Variants in KIF27 observed in about 807,000 individuals in gnomAD.
The protein encoded by KIF27 is kinesin family member 27.
A neutral mutation model predicts 141.8 loss-of-function variants in KIF27; 84 were observed. That is an observed-to-expected ratio of 0.59 (90% CI 0.50 to 0.71). The LOEUF (loss-of-function observed/expected upper bound fraction) is 0.71, where lower values mean the gene tolerates loss of function less well. KIF27 is among the 30% of genes least tolerant of loss of function. The pLI is 0.00. For missense variants in KIF27, 1,306 were observed against 1,628.4 expected, an observed-to-expected ratio of 0.80 and a Z score of 3.41; for synonymous variants, 471 against 569.5, an observed-to-expected ratio of 0.83 and a Z score of 2.46.
At chr9:83,884,076 C>T (rs1451387056) in intron 9 of KIF27, 58 bp from the exon 10 acceptor site, 2 of 1,240,208 alleles carry the variant, frequency 1.6e-6, no homozygotes, top group Admixed American at 2.3e-5. Context: ...GTTAAACATC[C>T]AAAACATAAA....
chr9:83,843,508 G>C (rs1053705194), intron 16 of KIF27, among the ~76,000 whole-genome samples: 1 of 152,074 alleles, frequency 6.6e-6, no homozygotes, highest in African/African-American at 2.4e-5. Context: ...ACAATTGGCT[G>C]TTTTGTAGAA....
chr9:83,897,020 T>C (rs1953329080), intron 5 of KIF27, among the ~76,000 whole-genome samples: 1 of 152,134 alleles, frequency 6.6e-6, no homozygotes, highest in Admixed American at 6.5e-5. Flanking sequence ...GTTAAACAAT[T>C]CTGTAAATAC....
rs7857619 is a variant in KIF27 at position 83,910,484 on chromosome 9, G to A, written c.299-1832C>T. Among the ~76,000 whole-genome samples the A allele has an allele frequency of 2.6e-5, 4 of 152,034 alleles. No individual in the cohort carries two copies. The East Asian group carries it at 7.7e-4, about 29-fold the overall frequency. ...AAATTCTTGTATCATATTTCTTCAC[G>A]TCACCAAGTGTATCTGTTCTGAGAT... On this transcript the variant is annotated intron_variant, in intron 2 of 17. Transcript: ENST00000297814.
chr9:83,845,738 C>T (rs1287887524), intron 16 of KIF27, among the ~76,000 whole-genome samples: 5 of 152,124 alleles, frequency 3.3e-5, no homozygotes, highest in African/African-American at 9.7e-5. Context: ...GCCAGATATG[C>T]GGTTATATAC....
At chr9:83,852,446 C>G (rs1183086089) in intron 15 of KIF27, among the ~76,000 whole-genome samples, 5 of 144,692 alleles carry the variant, frequency 3.5e-5, no homozygotes, top group Admixed American at 6.8e-5. Context: ...GAGCGAGACT[C>G]TGTCTCAAAA....
At chr9:83,838,074 T>C (rs1239993557) in intron 17 of KIF27, among the ~76,000 whole-genome samples, 4 of 152,112 alleles carry the variant, frequency 2.6e-5, no homozygotes, top group Non-Finnish European at 4.4e-5. Flanking sequence ...AGTGAAGAGA[T>C]CAAAGCTAGA....
At chr9:83,909,785 T>C (rs1272558554) in intron 2 of KIF27, among the ~76,000 whole-genome samples, 1 of 152,046 alleles carries the variant, frequency 6.6e-6, no homozygotes, top group Admixed American at 6.6e-5. Context: ...AAATAGGCCA[T>C]ACTGTGGTGG....
chr9:83,845,304 T>C (rs1947121107), intron 16 of KIF27, among the ~76,000 whole-genome samples: 1 of 152,198 alleles, frequency 6.6e-6, no homozygotes, highest in Admixed American at 6.5e-5. Flanking sequence ...GAACTGCCTA[T>C]CATGAACTGG....
intron 12 of KIF27, among the ~76,000 whole-genome samples, chr9:83,870,153 A>G (rs756377291): frequency 2.6e-5 from 4 of 152,036 alleles, no homozygotes; most frequent in Non-Finnish European, 5.9e-5. Context: ...CTATCTATCT[A>G]TCTATCTATC....
intron 13 of KIF27, among the ~76,000 whole-genome samples, chr9:83,867,135 C>G (rs997352593): frequency 3.3e-5 from 5 of 152,096 alleles, no homozygotes; most frequent in African/African-American, 4.8e-5. Flanking sequence ...GTTTCTTTCA[C>G]TTAACATAGG....
intron 15 of KIF27, among the ~76,000 whole-genome samples, chr9:83,852,050 C>T (rs1424571938): frequency 6.6e-6 from 1 of 151,790 alleles, no homozygotes; most frequent in Non-Finnish European, 1.5e-5. Context: ...ATTGCTTGAA[C>T]CCGGGGGGCG....
At chr9:83,911,870 A>G (rs1955202058) in intron 2 of KIF27, among the ~76,000 whole-genome samples, 1 of 152,202 alleles carries the variant, frequency 6.6e-6, no homozygotes, top group African/African-American at 2.4e-5. Context: ...AAACTAAAAG[A>G]GACAGAAAGT....
At chr9:83,864,726 C>G (rs1950214578) in intron 13 of KIF27, among the ~76,000 whole-genome samples, 2 of 152,112 alleles carry the variant, frequency 1.3e-5, no homozygotes, top group Admixed American at 1.3e-4. Context: ...TCCTGGATAT[C>G]CTTGTTAACT....
chr9:83,914,749 A>C (rs1190539827), intron 2 of KIF27, among the ~76,000 whole-genome samples: 2 of 152,206 alleles, frequency 1.3e-5, no homozygotes, highest in African/African-American at 4.8e-5. Flanking sequence ...CAGACACTTA[A>C]CTAAAATGAT....
chr9:83,896,463 T>C (rs865877659), intron 5 of KIF27, among the ~76,000 whole-genome samples: 2 of 151,842 alleles, frequency 1.3e-5, no homozygotes, highest in Non-Finnish European at 2.9e-5. Context: ...TTTTTAAAGA[T>C]TCCATTTATA....
At chr9:83,890,015 CCAAA>C (rs199922951) in intron 6 of KIF27, among the ~76,000 whole-genome samples, 2,944 of 152,246 alleles carry the variant, frequency 0.019, 50 homozygotes, top group Non-Finnish European at 0.029. Flanking sequence ...ATCTCTGTAA[CCAAA>C]TCTCAAGATG....
chr9:83,838,958 C>T (rs1251199115), intron 17 of KIF27: 1 of 152,146 alleles, frequency 6.6e-6, no homozygotes, highest in Admixed American at 6.5e-5. Context: ...ACAGTGGCTC[C>T]CAAACTCTGC....
intron 13 of KIF27, chr9:83,863,584 T>C (rs1329047169): frequency 4.6e-5 from 7 of 152,248 alleles, no homozygotes; most frequent in African/African-American, 1.7e-4. Context: ...TTGCCAGTAT[T>C]TTATTGATGA....
chr9:83,906,313 C>A (rs1454530634), intron 3 of KIF27, among the ~76,000 whole-genome samples: 2 of 152,170 alleles, frequency 1.3e-5, no homozygotes, highest in Admixed American at 1.3e-4. Context: ...GCAAGATTTG[C>A]TGCCTCCTAT....
Sources: allele counts gnomAD v4.1 joint callset (sites outside exome capture counted in the v4.1 genomes callset), GRCh38; gene constraint gnomAD v4.1.1; transcripts MANE v1.5; gene names NCBI Gene and HGNC (gene_info 2026-07-23, HGNC 2026-07-21).